Variants in NOL6 observed in about 807,000 individuals in gnomAD.
NOL6 encodes the protein nucleolar protein 6.
In NOL6, 33 loss-of-function variants were observed where a neutral mutation model predicts 131.7. The observed-to-expected ratio is 0.25, with a 90% CI of 0.19 to 0.33. NOL6 has a LOEUF of 0.33. Among genes scored for constraint, NOL6 ranks in the 10% least tolerant of loss-of-function variants. The probability of loss-of-function intolerance (pLI) is 1.00; values close to 1 mark genes in which losing one functional copy is unlikely to be tolerated. For synonymous variants in NOL6, 580 were observed against 605.7 expected (o/e 0.96, Z 0.62); for missense variants, 1,297 against 1,494.5 (o/e 0.87, Z 2.18).
Position 33,462,043 on chromosome 9 carries a change from A to G in NOL6, c.*621T>C. 1.2e-5 allele frequency: 8 copies of G among 690,272 alleles called. No homozygotes were observed. Among genetic ancestry groups the G allele is most frequent in the South Asian group, 7.8e-5 (5 of 64,028 alleles). 42.8% of individuals were successfully genotyped at this position (690,272 alleles called of 1,614,324 possible). A position where few individuals can be genotyped will look rare whatever the true frequency, so the allele number is the denominator to read the frequency against. On this transcript the variant is annotated 3_prime_UTR_variant, in exon 26 of 26. Coordinates refer to ENST00000297990, the MANE Select transcript of NOL6 (RefSeq NM_022917.5). Reference sequence around the variant, plus strand: ...GTCCCCTGACCCCTTCACCTACCCAATCCTTTCCTGTCCTCGGTTCTTTTC... The same window carrying G: ...GTCCCCTGACCCCTTCACCTACCCAGTCCTTTCCTGTCCTCGGTTCTTTTC...
chr9:33,465,591 AG>A, intron 19 of NOL6, 142 bp downstream of exon 19: 1 of 1,070,532 alleles, frequency 9.3e-7, no homozygotes, highest in Non-Finnish European at 1.3e-6. Flanking sequence ...TGGCAGAGCC[AG>A]GATTCCAGAA....
At chr9:33,468,194 C>T in intron 10 of NOL6, 49 bp from the exon 11 acceptor site, 1 of 1,613,766 alleles carries the variant, frequency 6.2e-7, no homozygotes, top group East Asian at 2.2e-5. Flanking sequence ...GATCCAAGGG[C>T]TTAGACCAGG....
chr9:33,462,973 C>T, intron 25 of NOL6, 60 bp downstream of exon 25: 1 of 1,547,170 alleles, frequency 6.5e-7, no homozygotes. Context: ...CACAGACATG[C>T]ATGCCCACAC....
chr9:33,467,632 C>T lies in NOL6; in HGVS notation c.1602+59G>A, dbSNP rs1827283411. The T allele has an allele frequency of 4.5e-6, 7 of 1,551,870 alleles. No individual in the cohort carries two copies. Among genetic ancestry groups the T allele is most frequent in the South Asian group, 2.5e-5 (2 of 80,994 alleles). ...GAGGAATGGTGTGTCCTTTGTGTCTCTTGGGACCCTGGATCCAGCCCAACT... is the reference window on the plus strand; with the variant it reads ...GAGGAATGGTGTGTCCTTTGTGTCTTTTGGGACCCTGGATCCAGCCCAACT... On this transcript the variant is annotated intron_variant, in intron 12 of 25. Coordinates refer to ENST00000297990, the MANE Select transcript of NOL6 (RefSeq NM_022917.5). This position sits in a 1 kb window ranked among gnomAD's most constrained non-coding sequence, Gnocchi z 4.4.
chr9:33,465,671 G>T, intron 19 of NOL6, 63 bp downstream of exon 19: 1 of 1,537,070 alleles, frequency 6.5e-7, no homozygotes, highest in Non-Finnish European at 8.9e-7. Flanking sequence ...CAGGTGGCTA[G>T]GTGAGGAGAA....
Position 33,464,041 on chromosome 9 carries a change from G to C in NOL6, c.2900C>G (p.Ala967Gly). Residue 967 changes from alanine to glycine, a missense_variant, in exon 22 of 26, where the codon GCC becomes GGC. Ala to Gly is a moderately conservative substitution (Grantham distance 60, BLOSUM62 0). Transcript: ENST00000297990. ...NSVWTQDGPS[A>G]QILQQLVVLA... ...GGGGCAGGTATGGGGTTGAACCTGG[G>C]CTGAGGGTCCATCCTGTGTCCACAC... The C allele has an allele frequency of 6.2e-7, 1 of 1,613,280 alleles. No homozygotes were observed. Among genetic ancestry groups the C allele is most frequent in the Non-Finnish European group, 8.5e-7 (1 of 1,179,460 alleles).
At chr9:33,462,994 G>A (rs2119004335) in intron 25 of NOL6, 39 bp downstream of exon 25, 1 of 1,585,266 alleles carries the variant, frequency 6.3e-7, no homozygotes, top group East Asian at 2.3e-5. Context: ...AGAACCACGT[G>A]CACACACTCA....
In NOL6 at chr9:33,463,837, G is replaced by A. The variant is rs531355298; in HGVS notation, c.2988C>T (p.Asp996=). Residue 996 remains aspartate (D), a synonymous_variant, in exon 23 of 26, where the codon GAC becomes GAT. Coordinates refer to ENST00000297990, the MANE Select transcript of NOL6 (RefSeq NM_022917.5). Reference sequence around the variant, plus strand: ...CTGCTGGTCAGAAGCTTACCCTGATGTCCCCAGGTCCCCGGGGATCCATGA... The same window carrying A: ...CTGCTGGTCAGAAGCTTACCCTGATATCCCCAGGTCCCCGGGGATCCATGA... The part of the protein sequence containing the change: ...KQLMDPRGPG[D]IRTVFRPPLD... 168 of 1,614,002 alleles carry A rather than the reference G, an allele frequency of 1.0e-4. 1 individual carries two copies. In the Middle Eastern group the frequency reaches 1.5e-3, roughly 14 times the overall value.
rs377071153 is a variant in NOL6 at position 33,466,935 on chromosome 9, C to T, written c.1927G>A (p.Ala643Thr). 2.2e-5 allele frequency: 35 copies of T among 1,614,022 alleles called. No individual in the cohort carries two copies. In the African/African-American group the frequency reaches 4.0e-4, roughly 18 times the overall value. Residue 643 changes from alanine (A) to threonine (T), a missense_variant, in exon 15 of 26, where the codon GCA (alanine) becomes ACA (threonine). Ala to Thr is a moderately conservative substitution (Grantham distance 58). Coordinates refer to ENST00000297990, the MANE Select transcript of NOL6 (RefSeq NM_022917.5). ...ACCTCTTTCAGGCCTTGGATAAGTGCATCCAGGGGGCCCCCCACATAGTGG... is the reference window on the plus strand; with the variant it reads ...ACCTCTTTCAGGCCTTGGATAAGTGTATCCAGGGGGCCCCCCACATAGTGG... ...CVHYVGGPLDALIQGLKETSS... is the reference protein window; with the variant it reads ...CVHYVGGPLDTLIQGLKETSS...
At chr9:33,469,887 T>A (rs1827360341) in intron 4 of NOL6, 125 bp downstream of exon 4, 2 of 1,114,124 alleles carry the variant, frequency 1.8e-6, no homozygotes, top group Non-Finnish European at 2.5e-6. Context: ...ATGCCTGCAA[T>A]GGTCTGCTCT....
Position 33,465,793 on chromosome 9 carries a change from G to A in NOL6, c.2469C>T (p.Ala823=). ...TTGTGTCTCTCTCAAGGCGGAGGGA[G>A]GCAGCTGTGTCCCTCAGCGAGATCA... ...EGMISLRDTA[A]SLRLERDTRQ... The change falls in exon 19 of 26, where the codon GCC becomes GCT. Residue 823 remains alanine (A), a synonymous_variant. Coordinates refer to ENST00000297990, the MANE Select transcript of NOL6 (RefSeq NM_022917.5). 2 of 1,613,902 alleles carry A rather than the reference G, an allele frequency of 1.2e-6. No individual in the cohort carries two copies. The highest frequency in any genetic ancestry group is 2.2e-5 in the East Asian group (1 of 44,866).
In NOL6 at chr9:33,467,056, C is replaced by G; in HGVS notation, c.1874+58G>C. 1.1e-5 allele frequency: 18 copies of G among 1,613,236 alleles called. No homozygotes were observed. The highest frequency in any genetic ancestry group is 1.5e-5 in the Non-Finnish European group (18 of 1,179,330). On this transcript the variant is annotated intron_variant, in intron 14 of 25. Transcript: ENST00000297990. This position sits in a 1 kb window ranked among gnomAD's most constrained non-coding sequence, Gnocchi z 4.4. ...TTCTCGCTCAACTGCCTGGGCCAGACCCCTGAAAAGGCTCCCCAGCCCACA... is the reference window on the plus strand; with the variant it reads ...TTCTCGCTCAACTGCCTGGGCCAGAGCCCTGAAAAGGCTCCCCAGCCCACA...
chr9:33,469,934 C>T (rs913835861), intron 4 of NOL6, 78 bp downstream of exon 4: 64 of 1,390,738 alleles, frequency 4.6e-5, no homozygotes, highest in South Asian at 3.3e-4. Flanking sequence ...CCCTGGCAAG[C>T]GGCAGATAAG....
In NOL6 at chr9:33,472,319, G is replaced by C; in HGVS notation, c.148C>G (p.Leu50Val). The C allele has an allele frequency of 1.2e-6, 2 of 1,614,238 alleles. No homozygotes were observed. Among genetic ancestry groups the C allele is most frequent in the Non-Finnish European group, 1.7e-6 (2 of 1,180,042 alleles). The stretch of plus-strand genomic sequence containing the variant: ...GCCCTGCTGAGCTTCACTGGCTGCA[G>C]GAGGCCCTTCGCTGGAGGTTCAGCC... Reference protein sequence around the residue: ...TLAEPPAKGLLQPVKLSRAEL... With the variant: ...TLAEPPAKGLVQPVKLSRAEL... The change falls in exon 2 of 26, where the codon CTG becomes GTG. Residue 50 changes from leucine to valine, a missense_variant. Physicochemically the swap from Leu to Val is conservative, Grantham distance 32 (BLOSUM62 1). Coordinates refer to ENST00000297990, the MANE Select transcript of NOL6 (RefSeq NM_022917.5).
chr9:33,464,301 T>C, intron 21 of NOL6, 140 bp from the exon 22 acceptor site: 1 of 1,070,298 alleles, frequency 9.3e-7, no homozygotes, highest in Non-Finnish European at 1.3e-6. Flanking sequence ...GTGGCAAAGG[T>C]GACGAAAGGG....
rs572677449 is a variant in NOL6 at position 33,464,169 on chromosome 9, C to T, written c.2780-8G>A. On this transcript the variant is annotated splice_polypyrimidine_tract_variant and splice_region_variant and intron_variant, in intron 21 of 25. Transcript: ENST00000297990. ...TCTCCACCTGCTCCTCCACTAGAGA[C>T]AAGAATGGGTCCTGGGTCAGCCTGC... 19 of 1,602,200 alleles carry T rather than the reference C, an allele frequency of 1.2e-5. No homozygotes were observed. In the South Asian group the frequency reaches 1.7e-4, roughly 14 times the overall value.
Position 33,467,313 on chromosome 9 carries a change from C to A in NOL6, c.1726-51G>T. On this transcript the variant is annotated intron_variant, in intron 13 of 25. Transcript: ENST00000297990. The surrounding 1 kb of genome is among the most constrained non-coding windows in gnomAD (Gnocchi z 4.4). ...GCTGGGGAAGGAAGGGCTCTGTGGA[C>A]CCTCCCCAACAAGCTTCAGTCCAGG... 6.2e-7 allele frequency: 1 copy of A among 1,610,108 alleles called. No homozygotes were observed. Among genetic ancestry groups the A allele is most frequent in the Non-Finnish European group, 8.5e-7 (1 of 1,176,804 alleles).
chr9:33,466,744 T>C, intron 15 of NOL6, 35 bp from the exon 16 acceptor site: 1 of 1,608,450 alleles, frequency 6.2e-7, no homozygotes, highest in Non-Finnish European at 8.5e-7. Context: ...GGCTGGACCC[T>C]ACAGAAGGCC....
chr9:33,468,428 G>A lies in NOL6; in HGVS notation c.1207-6C>T, dbSNP rs73482833. 9,041 of 1,614,062 alleles carry A rather than the reference G, an allele frequency of 5.6e-3. 390 individuals carry two copies. In the African/African-American group the frequency reaches 0.1, roughly 18 times the overall value. ...TGGAAGTCAGCCAGGGCCGGCTTGG[G>A]GGGTGTAGAGAGAAGCAGGTCAGGA... On this transcript the variant is annotated splice_polypyrimidine_tract_variant and splice_region_variant and intron_variant, in intron 9 of 25. Coordinates refer to ENST00000297990, the MANE Select transcript of NOL6 (RefSeq NM_022917.5).
Sources: allele counts gnomAD v4.1 joint callset, GRCh38; gene constraint gnomAD v4.1.1; non-coding constraint Gnocchi (gnomAD v3.1); transcripts MANE v1.5; gene names NCBI Gene and HGNC (gene_info 2026-07-23, HGNC 2026-07-21).